SPATA31A1: variants seen among roughly 807,000 people sequenced by gnomAD.
SPATA31A1 encodes SPATA31 subfamily A member 1.
For synonymous variants in SPATA31A1, 194 were observed against 573.4 expected (o/e 0.34, Z 9.45); for missense variants, 579 against 1,476.3 (o/e 0.39, Z 9.96).
chr9:39,358,451 T>G lies in SPATA31A1; in HGVS notation c.686T>G (p.Leu229Arg). Reference sequence around the variant, plus strand: ...CCAAAAGGCTTCACTGCTCCTCCCCTGCGGGACTCCACACTGATAACTCCA... The same window carrying G: ...CCAAAAGGCTTCACTGCTCCTCCCCGGCGGGACTCCACACTGATAACTCCA... ...PPPKGFTAPP[L>R]RDSTLITPSH... Residue 229 changes from leucine (L) to arginine (R), a missense_variant, in exon 4 of 4, where the codon CTG becomes CGG. Transcript: ENST00000377647. 6 of 1,555,212 alleles carry G rather than the reference T, an allele frequency of 3.9e-6. No homozygotes were observed.
In SPATA31A1 at chr9:39,358,276, C is replaced by T; in HGVS notation, c.511C>T (p.Pro171Ser). Reference sequence around the variant, plus strand: ...TCAGGATCTGGCCTCCACCCCATCACCAGGCCCAATGACCACCTCAGTCTC... The same window carrying T: ...TCAGGATCTGGCCTCCACCCCATCATCAGGCCCAATGACCACCTCAGTCTC... ...HPQDLASTPSPGPMTTSVSSL... is the reference protein window; with the variant it reads ...HPQDLASTPSSGPMTTSVSSL... The change falls in exon 4 of 4, where the codon CCA becomes TCA. Residue 171 changes from proline to serine, a missense_variant. Physicochemically the swap from Pro to Ser is moderately conservative, Grantham distance 74. Transcript: ENST00000377647. The T allele has an allele frequency of 6.5e-7, 1 of 1,539,372 alleles. No homozygotes were observed. Among genetic ancestry groups the T allele is most frequent in the Non-Finnish European group, 8.7e-7 (1 of 1,152,856 alleles).
chr9:39,357,952 G>T, intron 3 of SPATA31A1, 122 bp from the exon 4 acceptor site: 2 of 1,599,974 alleles, frequency 1.3e-6, no homozygotes, highest in Non-Finnish European at 1.7e-6. Context: ...CTGGGGCGAG[G>T]GGTAGCAGGA....
chr9:39,361,083 T>C lies in SPATA31A1; in HGVS notation c.3318T>C (p.Pro1106=). The C allele has an allele frequency of 6.2e-7, 1 of 1,611,204 alleles. No homozygotes were observed. Among genetic ancestry groups the C allele is most frequent in the Non-Finnish European group, 8.5e-7 (1 of 1,179,738 alleles). Residue 1106 remains proline (P), a synonymous_variant, in exon 4 of 4, where the codon CCT becomes CCC. Transcript: ENST00000377647. ...SCKNQRPMFP[P]IHKSEKSRKP... is the part of the protein sequence containing the mutation. Reference sequence around the variant, plus strand: ...AGAACCAAAGGCCAATGTTTCCCCCTATTCACAAGAGTGAGAAGTCTAGGA... The same window carrying C: ...AGAACCAAAGGCCAATGTTTCCCCCCATTCACAAGAGTGAGAAGTCTAGGA...
chr9:39,357,929 T>G, intron 3 of SPATA31A1, 111 bp downstream of exon 3: 1 of 1,582,794 alleles, frequency 6.3e-7, no homozygotes, highest in African/African-American at 1.4e-5. Context: ...GTACAGAGGA[T>G]GGGAGTAAAA....
rs910268965 is a variant in SPATA31A1 at position 39,357,995 on chromosome 9, G to A, written c.309-79G>A. On this transcript the variant is annotated intron_variant, in intron 3 of 3. Coordinates refer to ENST00000377647, the MANE Select transcript of SPATA31A1 (RefSeq NM_001085452.4). ...GCAATCAGGGTGTGGGGTGGTGGAGGGGCTGTGGCCCGAGCACCCACTCTG... is the reference window on the plus strand; with the variant it reads ...GCAATCAGGGTGTGGGGTGGTGGAGAGGCTGTGGCCCGAGCACCCACTCTG... 5,282 of 1,586,176 alleles carry A rather than the reference G, an allele frequency of 3.3e-3. 31 individuals carry two copies. The highest frequency in any genetic ancestry group is 4.0e-3 in the Admixed American group (232 of 57,502).
Position 39,355,902 on chromosome 9 carries a change from T to A in SPATA31A1, c.172T>A (p.Ser58Thr). 2 of 262,738 alleles carry A rather than the reference T, an allele frequency of 7.6e-6. No individual in the cohort carries two copies. The highest frequency in any genetic ancestry group is 1.2e-5 in the Non-Finnish European group (2 of 164,786). 16.3% of individuals were successfully genotyped at this position (262,738 alleles called of 1,614,324 possible). The stretch of plus-strand genomic sequence containing the variant: ...CCGTTGTGATGACCCACCCTCACCA[T>A]CGCCTGGGAAGAGAAAGGTAAGGAA... The part of the protein sequence containing the change: ...YFRCDDPPSP[S>T]PGKRKCPVGR... The change falls in exon 1 of 4, where the codon TCG becomes ACG. Residue 58 changes from serine (S) to threonine (T), a missense_variant. By Grantham distance (58) the Ser-to-Thr change is moderately conservative. Coordinates refer to ENST00000377647, the MANE Select transcript of SPATA31A1 (RefSeq NM_001085452.4).
rs1320108241 is a variant in SPATA31A1, at chr9:39,359,163, T to C, written c.1398T>C (p.Leu466=). The change falls in exon 4 of 4, where the codon CTT becomes CTC. Residue 466 remains leucine, a synonymous_variant. Transcript: ENST00000377647. ...IQRETTMSPL[L]FQAQPPSHLG... ...GGGAGACTACAATGTCCCCACTGCT[T>C]TTCCAGGCCCAGCCCCCGTCCCATC... The C allele has an allele frequency of 1.9e-6, 3 of 1,611,778 alleles. No individual in the cohort carries two copies. Among genetic ancestry groups the C allele is most frequent in the Admixed American group, 3.3e-5 (2 of 59,974 alleles).
chr9:39,359,087 A>G lies in SPATA31A1; in HGVS notation c.1322A>G (p.Gln441Arg). ...GTAACTGACAGGTCTTATACTTTAC[A>G]GTCTCCTCCTTTCTTGTTCAATGAA... ...AWVTDRSYTLQSPPFLFNEMS... is the reference protein window; with the variant it reads ...AWVTDRSYTLRSPPFLFNEMS... The change falls in exon 4 of 4, where the codon CAG becomes CGG. Residue 441 changes from glutamine to arginine, a missense_variant. Gln to Arg is a conservative substitution (Grantham distance 43, BLOSUM62 1). Transcript: ENST00000377647. The G allele has an allele frequency of 1.2e-6, 2 of 1,609,570 alleles. No individual in the cohort carries two copies. The highest frequency in any genetic ancestry group is 1.1e-5 in the South Asian group (1 of 90,916).
Position 39,358,947 on chromosome 9 carries a change from A to T in SPATA31A1, c.1182A>T (p.Gly394=). 1 of 1,592,806 alleles carries T rather than the reference A, an allele frequency of 6.3e-7. No homozygotes were observed. The highest frequency in any genetic ancestry group is 1.1e-5 in the South Asian group (1 of 90,814). The change falls in exon 4 of 4, where the codon GGA becomes GGT. Residue 394 remains glycine (G), a synonymous_variant. Transcript: ENST00000377647. ...GAGAGAACTCGAAACAGCTGCCCGG[A>T]CCTCAGAAGCTCTCAGATCCTAGGC... ...NMGENSKQLP[G]PQKLSDPRLW... is the part of the protein sequence containing the mutation.
In SPATA31A1 at chr9:39,355,787, C is replaced by G; in HGVS notation, c.57C>G (p.Pro19=). 2.6e-6 allele frequency: 1 copy of G among 385,288 alleles called. No homozygotes were observed. Among genetic ancestry groups the G allele is most frequent in the Non-Finnish European group, 3.6e-6 (1 of 277,000 alleles). 23.9% of individuals were successfully genotyped at this position (385,288 alleles called of 1,614,324 possible). Residue 19 remains proline (P), a synonymous_variant, in exon 1 of 4, where the codon CCC becomes CCG. Transcript: ENST00000377647. ...KLLSASSLNA[P]SSTPWVLDIF... is the part of the protein sequence containing the mutation. ...TTAGTGCCTCATCGCTAAACGCCCC[C>G]AGTTCCACACCATGGGTGTTGGATA...
rs997747467 is a variant in SPATA31A1 at position 39,361,872 on chromosome 9, T to A, written c.*63T>A. 112 of 1,606,062 alleles carry A rather than the reference T, an allele frequency of 7.0e-5. 5 individuals carry two copies. In the Middle Eastern group the frequency reaches 1.6e-3, roughly 23 times the overall value. ...AGAAAAAGAAGTCCCCAAGAAAAAATTCACTCTATGTAGAGAAAAAATATT... is the reference window on the plus strand; with the variant it reads ...AGAAAAAGAAGTCCCCAAGAAAAAAATCACTCTATGTAGAGAAAAAATATT... On this transcript the variant is annotated 3_prime_UTR_variant, in exon 4 of 4. Coordinates refer to ENST00000377647, the MANE Select transcript of SPATA31A1 (RefSeq NM_001085452.4).
At position 39,361,712 on chromosome 9, in the gene SPATA31A1, C is replaced by G. The variant is rs1823473562; in HGVS notation, c.3947C>G (p.Ser1316Cys). 1 of 1,612,454 alleles carries G rather than the reference C, an allele frequency of 6.2e-7. No homozygotes were observed. Among genetic ancestry groups the G allele is most frequent in the Non-Finnish European group, 8.5e-7 (1 of 1,179,590 alleles). ...PQILHPKKAV[S>C]PVSPLQHWPK... ...ATCTTGCACCCCAAGAAAGCTGTAT[C>G]CCCAGTCAGTCCCCTTCAGCACTGG... Residue 1316 changes from serine (S) to cysteine (C), a missense_variant, in exon 4 of 4, where the codon TCC (serine) becomes TGC (cysteine). Ser to Cys is a moderately radical substitution (Grantham distance 112, BLOSUM62 -1). Transcript: ENST00000377647.
At chr9:39,357,691 C>T (rs1823362684) in intron 2 of SPATA31A1, 67 bp from the exon 3 acceptor site, 3 of 1,555,544 alleles carry the variant, frequency 1.9e-6, no homozygotes, top group Non-Finnish European at 2.6e-6. Flanking sequence ...AAAGAAACAG[C>T]CACTCAGCCT....
Position 39,361,476 on chromosome 9 carries a change from G to T in SPATA31A1, c.3711G>T (p.Gln1237His), listed in dbSNP as rs1823466365. Residue 1237 changes from glutamine to histidine, a missense_variant, in exon 4 of 4, where the codon CAG becomes CAT. By Grantham distance (24) the Gln-to-His change is conservative. Coordinates refer to ENST00000377647, the MANE Select transcript of SPATA31A1 (RefSeq NM_001085452.4). ...RHASKVNQHK[Q>H]KFQAPVCGFP... ...CCTCGAAGGTAAATCAGCACAAACA[G>T]AAGTTTCAAGCCCCAGTCTGTGGGT... 2 of 1,612,868 alleles carry T rather than the reference G, an allele frequency of 1.2e-6. No homozygotes were observed. The highest frequency in any genetic ancestry group is 1.7e-6 in the Non-Finnish European group (2 of 1,179,456).
chr9:39,361,221 A>T lies in SPATA31A1; in HGVS notation c.3456A>T (p.Pro1152=). Residue 1152 remains proline (P), a synonymous_variant, in exon 4 of 4, where the codon CCA becomes CCT. Transcript: ENST00000377647. ...THQDEGVQLL[P]SKKQPPSVSH... ...AGGATGAAGGCGTCCAGCTACTGCC[A>T]TCAAAGAAACAGCCTCCTTCAGTAA... 1 of 1,611,670 alleles carries T rather than the reference A, an allele frequency of 6.2e-7. No individual in the cohort carries two copies. The highest frequency in any genetic ancestry group is 1.1e-5 in the South Asian group (1 of 90,974).
Position 39,360,813 on chromosome 9 carries a change from A to C in SPATA31A1, c.3048A>C (p.Gly1016=). The part of the protein sequence containing the change: ...MEEVVNEFEP[G]MATKSETQPQ... ...AGGTTGTTAATGAATTTGAGCCTGG[A>C]ATGGCCACAAAGTCAGAGACCCAGC... is the stretch of plus-strand genomic sequence containing the variant. The change falls in exon 4 of 4, where the codon GGA becomes GGC. Residue 1016 remains glycine (G), a synonymous_variant. Transcript: ENST00000377647. 1 of 1,606,980 alleles carries C rather than the reference A, an allele frequency of 6.2e-7. No individual in the cohort carries two copies. The highest frequency in any genetic ancestry group is 8.5e-7 in the Non-Finnish European group (1 of 1,179,298).
chr9:39,357,180 A>G lies in SPATA31A1; in HGVS notation c.238A>G (p.Ser80Gly), dbSNP rs1823352035. Residue 80 changes from serine (S) to glycine (G), a missense_variant, in exon 2 of 4, where the codon AGT becomes GGT. Transcript: ENST00000377647. ...RRPRGRMKNH[S>G]LRAGRECPRG... is the part of the protein sequence containing the mutation. ...GCCCAGAGGCAGGATGAAAAACCAC[A>G]GTCTGAGAGGTAAGGCTCTGCCAGA... 3 of 1,604,846 alleles carry G rather than the reference A, an allele frequency of 1.9e-6. No individual in the cohort carries two copies. The highest frequency in any genetic ancestry group is 2.5e-6 in the Non-Finnish European group (3 of 1,176,624).
chr9:39,358,859 A>G lies in SPATA31A1; in HGVS notation c.1094A>G (p.Asn365Ser), dbSNP rs2118424178. The G allele has an allele frequency of 1.3e-5, 21 of 1,596,058 alleles. No individual in the cohort carries two copies. Among genetic ancestry groups the G allele is most frequent in the Non-Finnish European group, 1.8e-5 (21 of 1,179,704 alleles). ...TPEKHLNSLRNLAKSLDAEQD... is the reference protein window; with the variant it reads ...TPEKHLNSLRSLAKSLDAEQD... ...GAAAAGCACTTAAATTCTTTGCGGA[A>G]TTTGGCTAAATCATTGGATGCTGAG... The change falls in exon 4 of 4, where the codon AAT (asparagine) becomes AGT (serine). Residue 365 changes from asparagine (N) to serine (S), a missense_variant. Transcript: ENST00000377647.
In SPATA31A1 at chr9:39,361,719, C is replaced by A. The variant is rs1194164139; in HGVS notation, c.3954C>A (p.Val1318=). ...ACCCCAAGAAAGCTGTATCCCCAGT[C>A]AGTCCCCTTCAGCACTGGCCGAAGA... is the stretch of plus-strand genomic sequence containing the variant. The part of the protein sequence containing the change: ...ILHPKKAVSP[V]SPLQHWPKTS... Residue 1318 remains valine (V), a synonymous_variant, in exon 4 of 4, where the codon GTC becomes GTA. Transcript: ENST00000377647. 749 of 1,612,516 alleles carry A rather than the reference C, an allele frequency of 4.6e-4. 15 individuals carry two copies. Among genetic ancestry groups the A allele is most frequent in the South Asian group, 4.2e-3 (378 of 90,984 alleles).
Sources: gnomAD v4.1 joint callset for allele counts on GRCh38, gnomAD v4.1.1 for gene constraint, MANE v1.5 for transcripts, NCBI Gene and HGNC (gene_info 2026-07-23, HGNC 2026-07-21) for gene names.